The following HUNK variants were observed in gnomAD, a reference collection of about 807,000 sequenced individuals.
The protein encoded by HUNK is hormonally up-regulated neu tumor-associated kinase.
In HUNK, 21 loss-of-function variants were observed where a neutral mutation model predicts 61.0. The observed-to-expected ratio is 0.34, with a 90% CI of 0.24 to 0.50. HUNK has a LOEUF of 0.50. Among genes scored for constraint, HUNK ranks in the 20% least tolerant of loss-of-function variants. The pLI is 0.98. For synonymous variants in HUNK, 371 were observed against 386.1 expected, an observed-to-expected ratio of 0.96 and a Z score of 0.46; for missense variants, 772 against 945.7, an observed-to-expected ratio of 0.82 and a Z score of 2.41.
intron 7 of HUNK, among the ~76,000 whole-genome samples, chr21:31,982,745 G>A (rs1006483141): frequency 6.6e-6 from 1 of 151,968 alleles, no homozygotes; most frequent in Non-Finnish European, 1.5e-5. Context: ...TGGTAGTGGG[G>A]AGCAGTGTGT....
At chr21:31,933,156 T>C (rs1359087013) in intron 2 of HUNK, among the ~76,000 whole-genome samples, 2 of 151,652 alleles carry the variant, frequency 1.3e-5, no homozygotes, top group Non-Finnish European at 2.9e-5. Flanking sequence ...CCTCAGGTGA[T>C]CCACCTGCCT....
intron 1 of HUNK, among the ~76,000 whole-genome samples, chr21:31,912,184 A>C (rs2052550602): frequency 6.6e-6 from 1 of 151,978 alleles, no homozygotes; most frequent in East Asian, 1.9e-4. Context: ...CCCTGTTGTT[A>C]TCCAGGGCAT....
chr21:31,881,831 C>G (rs1420479835), intron 1 of HUNK, among the ~76,000 whole-genome samples: 1 of 152,210 alleles, frequency 6.6e-6, no homozygotes, highest in Non-Finnish European at 1.5e-5. Flanking sequence ...GGCGTGGCAT[C>G]TCATTAGCAG....
intron 1 of HUNK, among the ~76,000 whole-genome samples, chr21:31,877,249 G>T (rs910107512): frequency 1.4e-4 from 21 of 152,250 alleles, no homozygotes; most frequent in Non-Finnish European, 2.9e-5. Flanking sequence ...TGTGTGTAGC[G>T]TGTTGTGTTT....
chr21:31,874,592 C>G (rs1452402866), intron 1 of HUNK, among the ~76,000 whole-genome samples: 1 of 151,654 alleles, frequency 6.6e-6, no homozygotes, highest in Non-Finnish European at 1.5e-5. Context: ...CACCCCTGCC[C>G]CCTCATCACC....
intron 7 of HUNK, among the ~76,000 whole-genome samples, chr21:31,976,707 T>A (rs1721137274): frequency 6.6e-6 from 1 of 151,852 alleles, no homozygotes; most frequent in Non-Finnish European, 1.5e-5. Flanking sequence ...CTTCAAGCGA[T>A]CCTCCTACCT....
chr21:31,876,550 T>G (rs1251418963), intron 1 of HUNK, among the ~76,000 whole-genome samples: 1 of 152,194 alleles, frequency 6.6e-6, no homozygotes, highest in Non-Finnish European at 1.5e-5. Flanking sequence ...GGGTATTGCC[T>G]AACTAAGGCC....
chr21:31,912,116 G>A (rs953637640), intron 1 of HUNK, among the ~76,000 whole-genome samples: 7 of 152,148 alleles, frequency 4.6e-5, no homozygotes, highest in Non-Finnish European at 8.8e-5. Context: ...CCGTGGCCAT[G>A]CATCTGTCCT....
intron 4 of HUNK, among the ~76,000 whole-genome samples, chr21:31,947,388 C>T (rs977650557): frequency 1.3e-5 from 2 of 152,234 alleles, no homozygotes; most frequent in Non-Finnish European, 2.9e-5. Context: ...CCTGCGCATT[C>T]CCACATCCCA....
At chr21:31,959,838 T>G (rs926427375) in intron 5 of HUNK, among the ~76,000 whole-genome samples, 2 of 152,218 alleles carry the variant, frequency 1.3e-5, no homozygotes, top group Non-Finnish European at 2.9e-5. Flanking sequence ...TGAATTTATC[T>G]TGGCAAGTGG....
intron 5 of HUNK, among the ~76,000 whole-genome samples, chr21:31,966,180 G>T (rs2052965096): frequency 6.6e-6 from 1 of 152,076 alleles, no homozygotes; most frequent in Non-Finnish European, 1.5e-5. Flanking sequence ...CCATTCCTGG[G>T]TTACTTCACT....
intron 2 of HUNK, among the ~76,000 whole-genome samples, chr21:31,939,215 G>A (rs2052752163): frequency 6.6e-6 from 1 of 151,974 alleles, no homozygotes; most frequent in African/African-American, 2.4e-5. Flanking sequence ...GCTCTGTAAA[G>A]TTAACATGTT....
At chr21:31,955,675 A>G (rs184106406) in intron 4 of HUNK, among the ~76,000 whole-genome samples, 11 of 152,364 alleles carry the variant, frequency 7.2e-5, no homozygotes, top group African/African-American at 2.4e-4. Context: ...TGGTCATCCA[A>G]TGCCTCTGGT....
intron 5 of HUNK, among the ~76,000 whole-genome samples, chr21:31,962,320 G>A (rs2833582): frequency 0.29 from 44,843 of 152,154 alleles, 7,448 homozygotes; most frequent in Admixed American, 0.39. Flanking sequence ...AGGTAGGTTA[G>A]TAACACAAGA....
chr21:31,951,979 A>C (rs555123079), intron 4 of HUNK, among the ~76,000 whole-genome samples: 1 of 152,222 alleles, frequency 6.6e-6, no homozygotes, highest in South Asian at 2.1e-4. Flanking sequence ...CTTTTGAGAG[A>C]GAGGTTTCCC....
At chr21:31,892,162 A>ATATATAT (rs1555875740) in intron 1 of HUNK, among the ~76,000 whole-genome samples, 6 of 114,044 alleles carry the variant, frequency 5.3e-5, no homozygotes, top group African/African-American at 1.7e-4. Flanking sequence ...AAAAAAAAAA[A>ATATATAT]ATATATATAT....
At chr21:31,954,788 C>CT (rs202185040) in intron 4 of HUNK, among the ~76,000 whole-genome samples, 2,491 of 150,590 alleles carry the variant, frequency 0.017, 74 homozygotes, top group African/African-American at 0.059. Flanking sequence ...TTTTTCTTTT[C>CT]TTTTTTTTTA....
intron 4 of HUNK, among the ~76,000 whole-genome samples, chr21:31,950,338 A>G (rs941052812): frequency 2.0e-5 from 3 of 152,174 alleles, no homozygotes; most frequent in Non-Finnish European, 4.4e-5. Flanking sequence ...GGTGAGAAAA[A>G]AAACCAGATT....
intron 6 of HUNK, among the ~76,000 whole-genome samples, chr21:31,971,757 T>C (rs1252087765): frequency 6.6e-6 from 1 of 151,496 alleles, no homozygotes; most frequent in East Asian, 1.9e-4. Flanking sequence ...AAATTTTTTA[T>C]AAATAAATGT....
Sources: gnomAD v4.1 joint callset for allele counts (sites outside exome capture counted in the v4.1 genomes callset) on GRCh38, gnomAD v4.1.1 for gene constraint, MANE v1.5 for transcripts, NCBI Gene and HGNC (gene_info 2026-07-23, HGNC 2026-07-21) for gene names.